The following ITGBL1 variants were observed in gnomAD, a reference collection of about 807,000 sequenced individuals.
ITGBL1 encodes integrin beta-like protein 1.
A neutral mutation model predicts 68.5 loss-of-function variants in ITGBL1; 51 were observed. The observed-to-expected ratio is 0.74, with a 90% CI of 0.59 to 0.94. The LOEUF (loss-of-function observed/expected upper bound fraction) is 0.94, where lower values mean the gene tolerates loss of function less well. Ranked by LOEUF, ITGBL1 falls within the 40% of genes least tolerant of loss-of-function variation. The pLI, the probability that ITGBL1 is intolerant of heterozygous loss-of-function variation, is 0.00. For missense variants in ITGBL1, 649 were observed against 647.4 expected (o/e 1.00, Z -0.03); for synonymous variants, 209 against 227.3 (o/e 0.92, Z 0.72).
intron 2 of ITGBL1, among the ~76,000 whole-genome samples, chr13:101,500,524 C>T (rs907790869): frequency 1.3e-5 from 2 of 152,128 alleles, no homozygotes; most frequent in Admixed American, 6.5e-5. Context: ...ATTATTCTTT[C>T]AAATTACATG....
intron 2 of ITGBL1, among the ~76,000 whole-genome samples, chr13:101,468,228 A>C (rs749616437): frequency 9.9e-5 from 15 of 152,206 alleles, no homozygotes; most frequent in Non-Finnish European, 1.0e-4. Flanking sequence ...CTGTCTTGAC[A>C]TGGAAATAAT....
rs1162543971 is a variant in ITGBL1 at position 101,560,614 on chromosome 13, G to T, written c.317-7085G>T. On this transcript the variant is annotated intron_variant, in intron 2 of 10. Transcript: ENST00000376180. ...CTTTTAAAAGATATTGCAAAATTAA[G>T]TTAAATAATTTATATATGAACAAAA... Among the ~76,000 whole-genome samples, 6 of 152,232 alleles carry T rather than the reference G, an allele frequency of 3.9e-5. No individual in the cohort carries two copies. In the East Asian group the frequency reaches 1.2e-3, roughly 29 times the overall value.
chr13:101,510,213 A>G lies in ITGBL1; in HGVS notation c.316+56113A>G, dbSNP rs564983320. ...ATCTATTGTATCTATGTTTATGTTC[A>G]TGTGTATTCCATGTTTAGCTTCCAC... On this transcript the variant is annotated intron_variant, in intron 2 of 10. Transcript: ENST00000376180. Among the ~76,000 whole-genome samples the G allele has an allele frequency of 2.6e-5, 4 of 152,136 alleles. No homozygotes were observed. In the South Asian group the frequency reaches 8.3e-4, roughly 32 times the overall value.
intron 7 of ITGBL1, among the ~76,000 whole-genome samples, chr13:101,628,339 C>T (rs145132369): frequency 1.3e-5 from 2 of 151,970 alleles, no homozygotes; most frequent in African/African-American, 4.8e-5. Context: ...TTTTAAGTAA[C>T]AGAACTTTAT....
In ITGBL1 at chr13:101,581,539, C is replaced by T. The variant is rs9557706; in HGVS notation, c.728-1677C>T. On this transcript the variant is annotated intron_variant, in intron 5 of 10. Coordinates refer to ENST00000376180, the MANE Select transcript of ITGBL1 (RefSeq NM_004791.3). The stretch of plus-strand genomic sequence containing the variant: ...AGAAAAAAAATCAAATCATACTGCA[C>T]GTGCTGATTTGTAATTTTACAGTTT... Among the ~76,000 whole-genome samples the T allele has an allele frequency of 2.2e-3, 341 of 152,110 alleles. 8 individuals carry two copies. In the East Asian group the frequency reaches 0.056, roughly 25 times the overall value.
At chr13:101,603,623 A>G (rs899858683) in intron 7 of ITGBL1, among the ~76,000 whole-genome samples, 1 of 151,828 alleles carries the variant, frequency 6.6e-6, no homozygotes, top group Non-Finnish European at 1.5e-5. Context: ...ATTTACACAA[A>G]GCTTTATCTG....
intron 2 of ITGBL1, among the ~76,000 whole-genome samples, chr13:101,501,853 G>A (rs1443306441): frequency 6.6e-6 from 1 of 152,160 alleles, no homozygotes; most frequent in Non-Finnish European, 1.5e-5. Flanking sequence ...TATAACATGT[G>A]CTCCCTAACC....
chr13:101,499,773 G>A (rs2048912095), intron 2 of ITGBL1, among the ~76,000 whole-genome samples: 1 of 152,210 alleles, frequency 6.6e-6, no homozygotes, highest in Admixed American at 6.5e-5. Flanking sequence ...AGAGATTTCT[G>A]TATTTAAAAT....
chr13:101,485,592 C>T (rs915069086), intron 2 of ITGBL1, among the ~76,000 whole-genome samples: 5 of 152,032 alleles, frequency 3.3e-5, no homozygotes, highest in African/African-American at 1.2e-4. Context: ...ATCACGAGGT[C>T]AGGAGATCGA....
chr13:101,489,598 G>A (rs1166774877), intron 2 of ITGBL1, among the ~76,000 whole-genome samples: 1 of 152,166 alleles, frequency 6.6e-6, no homozygotes. Context: ...ATATCGCATA[G>A]CATCTGTAGC....
intron 8 of ITGBL1, among the ~76,000 whole-genome samples, chr13:101,702,496 A>C (rs552293277): frequency 6.6e-6 from 1 of 152,016 alleles, no homozygotes; most frequent in Non-Finnish European, 1.5e-5. Context: ...CATGCTGTAA[A>C]TTTCTTTCCA....
chr13:101,608,830 TA>T (rs1156742052), intron 7 of ITGBL1, among the ~76,000 whole-genome samples: 1 of 152,048 alleles, frequency 6.6e-6, no homozygotes, highest in African/African-American at 2.4e-5. Flanking sequence ...AGATGATAAA[TA>T]AATGACCCTG....
At chr13:101,635,770 T>G (rs1255817988) in intron 7 of ITGBL1, among the ~76,000 whole-genome samples, 1 of 152,078 alleles carries the variant, frequency 6.6e-6, no homozygotes, top group East Asian at 1.9e-4. Context: ...GAAGGGCAGA[T>G]TAAGTCATTT....
chr13:101,676,888 C>T (rs548675575), intron 7 of ITGBL1, among the ~76,000 whole-genome samples: 3 of 152,244 alleles, frequency 2.0e-5, no homozygotes, highest in East Asian at 3.9e-4. Context: ...CACCTGTAAT[C>T]CCAGCACTTT....
At chr13:101,492,090 C>T (rs2048787803) in intron 2 of ITGBL1, among the ~76,000 whole-genome samples, 1 of 152,194 alleles carries the variant, frequency 6.6e-6, no homozygotes, top group Admixed American at 6.5e-5. Flanking sequence ...CTGCAATAAA[C>T]ATATGTGTGC....
At chr13:101,521,756 C>T (rs887666451) in intron 2 of ITGBL1, among the ~76,000 whole-genome samples, 4 of 152,248 alleles carry the variant, frequency 2.6e-5, no homozygotes, top group Admixed American at 6.5e-5. Context: ...ATTTACAATC[C>T]GCACAAGTAA....
rs2034678168 is a variant in ITGBL1 at position 101,715,520 on chromosome 13, C to A, written c.1394-43C>A. On this transcript the variant is annotated intron_variant, in intron 10 of 10. Coordinates refer to ENST00000376180, the MANE Select transcript of ITGBL1 (RefSeq NM_004791.3). ...TATAATAGCATGTTTAAATTTGGCA[C>A]ATTTTGATCATAATCATGATACCTA... 9 of 1,362,860 alleles carry A rather than the reference C, an allele frequency of 6.6e-6. No homozygotes were observed. The East Asian group carries it at 1.8e-4, about 28-fold the overall frequency. 84.4% of individuals were successfully genotyped at this position (1,362,860 alleles called of 1,614,324 possible).
intron 2 of ITGBL1, among the ~76,000 whole-genome samples, chr13:101,535,318 C>A (rs763917859): frequency 6.6e-6 from 1 of 152,010 alleles, no homozygotes; most frequent in Non-Finnish European, 1.5e-5. Context: ...CCAGACATTA[C>A]CTTTTGATGA....
intron 2 of ITGBL1, among the ~76,000 whole-genome samples, chr13:101,492,913 A>G (rs976065287): frequency 2.0e-5 from 3 of 152,144 alleles, no homozygotes; most frequent in Admixed American, 2.0e-4. Context: ...TTCCTTTTCC[A>G]AGTTCAAATG....
Sources: gnomAD v4.1 joint callset for allele counts (sites outside exome capture counted in the v4.1 genomes callset) on GRCh38, gnomAD v4.1.1 for gene constraint, MANE v1.5 for transcripts, NCBI Gene and HGNC (gene_info 2026-07-23, HGNC 2026-07-21) for gene names.